The following ATP6V1H variants were observed in gnomAD, a reference collection of about 807,000 sequenced individuals.
ATP6V1H encodes V-type proton ATPase subunit H.
A neutral mutation model predicts 71.7 loss-of-function variants in ATP6V1H; 39 were observed. That is an observed-to-expected ratio of 0.54 (90% confidence interval 0.42 to 0.71). ATP6V1H has a LOEUF of 0.71. Ranked by LOEUF, ATP6V1H falls within the 30% of genes least tolerant of loss-of-function variation. ATP6V1H has a pLI of 0.00. For synonymous variants in ATP6V1H, 192 were observed against 199.3 expected, an observed-to-expected ratio of 0.96 and a Z score of 0.31; for missense variants, 509 against 594.9, an observed-to-expected ratio of 0.86 and a Z score of 1.50.
intron 4 of ATP6V1H, among the ~76,000 whole-genome samples, chr8:53,825,174 A>C (rs1810787026): frequency 6.6e-6 from 1 of 152,086 alleles, no homozygotes; most frequent in Non-Finnish European, 1.5e-5. Context: ...TAATGATGTC[A>C]TTTCTCCCTA....
intron 9 of ATP6V1H, 148 bp downstream of exon 9, chr8:53,795,499 T>C (rs1189582328): frequency 2.9e-6 from 2 of 696,320 alleles, no homozygotes; most frequent in South Asian, 2.0e-5. Flanking sequence ...AAATACAAAT[T>C]AGTGATATTT....
At chr8:53,757,341 G>A (rs947891100) in intron 11 of ATP6V1H, among the ~76,000 whole-genome samples, 3 of 152,182 alleles carry the variant, frequency 2.0e-5, no homozygotes, top group African/African-American at 4.8e-5. Flanking sequence ...CACTGAGGGT[G>A]GGTGCAGCTA....
chr8:53,795,931 T>C (rs1167484925), intron 8 of ATP6V1H, 92 bp from the exon 9 acceptor site: 1 of 1,120,032 alleles, frequency 8.9e-7, no homozygotes, highest in Non-Finnish European at 1.3e-6. Context: ...ATGGAACAGG[T>C]CTCTCTGAAT....
chr8:53,826,627 T>G (rs564008019), intron 4 of ATP6V1H, among the ~76,000 whole-genome samples: 5 of 151,932 alleles, frequency 3.3e-5, no homozygotes, highest in African/African-American at 1.2e-4. Flanking sequence ...TGCCTGTCTA[T>G]GTTCACAGAA....
At chr8:53,730,144 T>TG (rs1191035671) in intron 13 of ATP6V1H, among the ~76,000 whole-genome samples, 1 of 152,330 alleles carries the variant, frequency 6.6e-6, no homozygotes, top group African/African-American at 2.4e-5. Context: ...AAAACACTAC[T>TG]GCCTGGCTCA....
chr8:53,765,457 ACACAC>A lies in ATP6V1H; in HGVS notation c.1175+4156_1175+4160del, dbSNP rs1349892834. Among the ~76,000 whole-genome samples the A allele has an allele frequency of 6.7e-3, 75 of 11,204 alleles. 1 individual carries two copies. The South Asian group carries it at 0.12, about 17-fold the overall frequency. The allele number at this position is 11,204 out of a possible 152,430, so 7.4% of individuals were successfully genotyped here. A position where few individuals can be genotyped will look rare whatever the true frequency, so the allele number is the denominator to read the frequency against. On this transcript the variant is annotated intron_variant, in intron 11 of 13. Transcript: ENST00000359530. ...GGTGGTGGACAACAACAACAACAACACACACACACACACACACACACACACACACA... is the reference window on the plus strand; with the variant it reads ...GGTGGTGGACAACAACAACAACAACAACACACACACACACACACACACACA...
At chr8:53,742,476 T>TA (rs1246052423) in intron 13 of ATP6V1H, among the ~76,000 whole-genome samples, 1 of 152,226 alleles carries the variant, frequency 6.6e-6, no homozygotes, top group Non-Finnish European at 1.5e-5. Context: ...ATTGTCAACT[T>TA]AGCTATGTGG....
rs1177337302 is a variant in ATP6V1H at position 53,769,747 on chromosome 8, T to C, written c.1050-4A>G. 3.1e-6 allele frequency: 5 copies of C among 1,594,902 alleles called. No homozygotes were observed. Among genetic ancestry groups the C allele is most frequent in the Admixed American group, 3.6e-5 (2 of 55,944 alleles). ...TGAACTGTATTCATCAAATGAACTA[T>C]AAAAATGTTCAAAAGAATTCAAGGT... On this transcript the variant is annotated splice_region_variant and splice_polypyrimidine_tract_variant and intron_variant, in intron 10 of 13. Transcript: ENST00000359530.
chr8:53,839,814 A>G (rs1248134371), intron 2 of ATP6V1H: 10 of 985,330 alleles, frequency 1.0e-5, no homozygotes, highest in East Asian at 2.3e-4. Context: ...TGCTAACTTC[A>G]TATCAATCAT....
chr8:53,780,980 GA>G (rs1209742392), intron 9 of ATP6V1H, among the ~76,000 whole-genome samples: 1 of 152,194 alleles, frequency 6.6e-6, no homozygotes, highest in Non-Finnish European at 1.5e-5. Context: ...TTGCTATTGT[GA>G]ATAGAGCTGC....
chr8:53,811,103 T>G, intron 7 of ATP6V1H, 61 bp downstream of exon 7: 1 of 1,461,188 alleles, frequency 6.8e-7, no homozygotes, highest in Non-Finnish European at 9.5e-7. Context: ...AAATTTTAAG[T>G]GTATATGACT....
In ATP6V1H at chr8:53,766,892, GT is replaced by G. The variant is rs560048099; in HGVS notation, c.1175+2725del. On this transcript the variant is annotated intron_variant, in intron 11 of 13. Transcript: ENST00000359530. ...ATTTTAATTTCGCCTTAGTCCTGTG[GT>G]CCTGTGATCTTGCCCTGCCTCCACT... Among the ~76,000 whole-genome samples, 366 of 152,232 alleles carry G rather than the reference GT, an allele frequency of 2.4e-3. 5 individuals are homozygous for G. The highest frequency in any genetic ancestry group is 8.5e-3 in the African/African-American group (353 of 41,520).
intron 11 of ATP6V1H, among the ~76,000 whole-genome samples, chr8:53,758,280 G>A (rs1193979058): frequency 1.3e-5 from 2 of 151,918 alleles, no homozygotes; most frequent in Non-Finnish European, 2.9e-5. Context: ...GAAATTATAA[G>A]CAAATTGCAT....
chr8:53,796,512 A>C (rs1754642002), intron 8 of ATP6V1H, among the ~76,000 whole-genome samples: 1 of 142,902 alleles, frequency 7.0e-6, no homozygotes, highest in Admixed American at 6.8e-5. Flanking sequence ...AAATCATCAA[A>C]TAAAAAAAAA....
At chr8:53,775,718 T>C (rs536947527) in intron 9 of ATP6V1H, among the ~76,000 whole-genome samples, 63 of 152,126 alleles carry the variant, frequency 4.1e-4, no homozygotes, top group African/African-American at 1.5e-3. Flanking sequence ...AGAGTGTCGA[T>C]TGGTGCACTC....
intron 2 of ATP6V1H, among the ~76,000 whole-genome samples, chr8:53,839,365 G>T (rs1406082143): frequency 1.3e-5 from 2 of 152,126 alleles, no homozygotes; most frequent in African/African-American, 4.8e-5. Context: ...ATTTCACAGG[G>T]AATTTAAACA....
At position 53,795,743 on chromosome 8, in the gene ATP6V1H, T is replaced by A. The variant is rs374330872; in HGVS notation, c.774A>T (p.Glu258Asp). 1.2e-6 allele frequency: 2 copies of A among 1,613,932 alleles called. No homozygotes were observed. Among genetic ancestry groups the A allele is most frequent in the African/African-American group, 2.7e-5 (2 of 74,880 alleles). The change falls in exon 9 of 14, where the codon GAA (glutamate) becomes GAT (aspartate). Residue 258 changes from glutamate (E) to aspartate (D), a missense_variant. Around this residue, in one of 2 missense-constraint regions of ATP6V1H, gnomAD observed 212 missense variants for 291.6 expected, o/e 0.73. Coordinates refer to ENST00000359530, the MANE Select transcript of ATP6V1H (RefSeq NM_015941.4). ...WLLAFSPQMC[E>D]HLRRYNIIPV... is the part of the protein sequence containing the mutation. The stretch of plus-strand genomic sequence containing the variant: ...GAATGATATTATAGCGCCGCAGGTG[T>A]TCACACATTTGAGGACTGAATGCCA...
chr8:53,717,314 G>A (rs1421803073), intron 13 of ATP6V1H, among the ~76,000 whole-genome samples: 1 of 152,232 alleles, frequency 6.6e-6, no homozygotes, highest in Non-Finnish European at 1.5e-5. Context: ...CAGTGGCGGA[G>A]CAGCAGGGAG....
chr8:53,738,617 T>C (rs16919520), intron 13 of ATP6V1H, among the ~76,000 whole-genome samples: 4,947 of 152,322 alleles, frequency 0.032, 263 homozygotes, highest in African/African-American at 0.11. Context: ...AAACCTGTAA[T>C]TGATTTTATG....
Sources: allele counts gnomAD v4.1 joint callset (sites outside exome capture counted in the v4.1 genomes callset), GRCh38; gene constraint gnomAD v4.1.1; regional missense constraint gnomAD v4.1.1; transcripts MANE v1.5; gene names NCBI Gene and HGNC (gene_info 2026-07-23, HGNC 2026-07-21).